Variants in INPP5D observed in about 807,000 individuals in gnomAD.
INPP5D encodes phosphatidylinositol 3,4,5-trisphosphate 5-phosphatase 1.
A neutral mutation model predicts 122.9 loss-of-function variants in INPP5D; 33 were observed. The ratio of observed to expected loss-of-function variants is 0.27; its 90% CI spans 0.20 to 0.36. The LOEUF (loss-of-function observed/expected upper bound fraction) is 0.36, where lower values mean the gene tolerates loss of function less well. Ranked by LOEUF, INPP5D falls within the 10% of genes least tolerant of loss-of-function variation. The pLI, the probability that INPP5D is intolerant of heterozygous loss-of-function variation, is 1.00. For synonymous variants in INPP5D, 584 were observed against 576.2 expected, an observed-to-expected ratio of 1.01 and a Z score of -0.19; for missense variants, 1,053 against 1,412.7, an observed-to-expected ratio of 0.75 and a Z score of 4.08.
At chr2:233,107,631 G>C (rs574628188) in intron 2 of INPP5D, among the ~76,000 whole-genome samples, 17 of 152,148 alleles carry the variant, frequency 1.1e-4, no homozygotes, top group Non-Finnish European at 2.4e-4. Context: ...AGTTGGGGCT[G>C]GTTGGAATGA....
At chr2:233,171,603 A>G (rs1186387245) in intron 17 of INPP5D, among the ~76,000 whole-genome samples, 2 of 152,212 alleles carry the variant, frequency 1.3e-5, no homozygotes, top group African/African-American at 2.4e-5. Context: ...TGGAACACCA[A>G]TTAATGTCTT....
At position 233,100,637 on chromosome 2, in the gene INPP5D, C is replaced by G. The variant is rs1428942788; in HGVS notation, c.198+21239C>G. ...GCTCTCTCTCTTCCCTGGGATGAGG[C>G]TTGGTTCTACGGAAGCTGGGGTCGT... On this transcript the variant is annotated intron_variant, in intron 2 of 26. Coordinates refer to ENST00000445964, the MANE Select transcript of INPP5D (RefSeq NM_001017915.3). This position sits in a 1 kb window ranked among gnomAD's most constrained non-coding sequence, Gnocchi z 5.3. Among the ~76,000 whole-genome samples, 1 of 152,200 alleles carries G rather than the reference C, an allele frequency of 6.6e-6. No individual in the cohort carries two copies. The highest frequency in any genetic ancestry group is 1.5e-5 in the Non-Finnish European group (1 of 68,040).
chr2:233,155,767 A>G (rs1694036660), intron 9 of INPP5D, among the ~76,000 whole-genome samples: 1 of 152,210 alleles, frequency 6.6e-6, no homozygotes, highest in African/African-American at 2.4e-5. Context: ...AGAGTCTCAG[A>G]ACAGAATAAC....
intron 9 of INPP5D, among the ~76,000 whole-genome samples, chr2:233,150,149 T>C (rs138410813): frequency 0.013 from 1,970 of 152,304 alleles, 46 homozygotes; most frequent in African/African-American, 0.044. Flanking sequence ...GATTTGGCTG[T>C]GTCCCCACCC....
intron 2 of INPP5D, among the ~76,000 whole-genome samples, chr2:233,090,231 C>T (rs919544537): frequency 6.6e-6 from 1 of 152,232 alleles, no homozygotes; most frequent in African/African-American, 2.4e-5. Flanking sequence ...TTTAGTCTGC[C>T]CTGTTCTTAG....
Position 233,171,000 on chromosome 2 carries a change from G to T in INPP5D, c.1901-64G>T. 2 of 1,587,814 alleles carry T rather than the reference G, an allele frequency of 1.3e-6. No individual in the cohort carries two copies. The highest frequency in any genetic ancestry group is 2.3e-5 in the East Asian group (1 of 43,836). ...CCCCTGATTTCCTACCAGAAGAATA[G>T]GGAAAATTGGCCAGATGCAAAACCT... On this transcript the variant is annotated intron_variant, in intron 16 of 26. Transcript: ENST00000445964. This position sits in a 1 kb window ranked among gnomAD's most constrained non-coding sequence, Gnocchi z 4.5.
At chr2:233,159,867 C>T (rs1035213167) in intron 10 of INPP5D, among the ~76,000 whole-genome samples, 2 of 152,036 alleles carry the variant, frequency 1.3e-5, no homozygotes, top group Admixed American at 1.3e-4. Context: ...ACTTTCACCT[C>T]CAAAGCATCA....
chr2:233,099,919 G>A (rs1692255313), intron 2 of INPP5D, among the ~76,000 whole-genome samples: 2 of 152,176 alleles, frequency 1.3e-5, no homozygotes, highest in South Asian at 2.1e-4. Flanking sequence ...GGCGGAAGGT[G>A]AAGGGCACAT....
At chr2:233,063,012 G>A (rs1277239213) in intron 1 of INPP5D, among the ~76,000 whole-genome samples, 1 of 151,608 alleles carries the variant, frequency 6.6e-6, no homozygotes, top group East Asian at 1.9e-4. Flanking sequence ...GTCATTTAAA[G>A]CAAAGAGATT....
At chr2:233,150,117 G>C (rs945639843) in intron 9 of INPP5D, among the ~76,000 whole-genome samples, 1 of 152,078 alleles carries the variant, frequency 6.6e-6, no homozygotes, top group Non-Finnish European at 1.5e-5. Context: ...TAGAGTGATG[G>C]TTTCCTCTTA....
intron 8 of INPP5D, among the ~76,000 whole-genome samples, 193 bp downstream of exon 8, chr2:233,146,631 C>T (rs1004016544): frequency 1.3e-5 from 2 of 152,194 alleles, no homozygotes; most frequent in Admixed American, 6.5e-5. Flanking sequence ...CACCCAGAGA[C>T]AACTGGGAAA....
chr2:233,144,235 G>A (rs1242816700), intron 6 of INPP5D, among the ~76,000 whole-genome samples: 3 of 151,410 alleles, frequency 2.0e-5, no homozygotes, highest in African/African-American at 7.3e-5. Context: ...TGATGGTGAT[G>A]GTGATGGTGG....
At position 233,183,775 on chromosome 2, in the gene INPP5D, A is replaced by T. The variant is rs982608911; in HGVS notation, c.2162-633A>T. Among the ~76,000 whole-genome samples, 2 of 152,254 alleles carry T rather than the reference A, an allele frequency of 1.3e-5. No individual in the cohort carries two copies. Among genetic ancestry groups the T allele is most frequent in the Non-Finnish European group, 2.9e-5 (2 of 68,050 alleles). ...AGAAAGAGAAAGGAAAGAAGGAAGG[A>T]TGTGAGGGATGGAGGAAGGAAAGGT... On this transcript the variant is annotated intron_variant, in intron 19 of 26. Transcript: ENST00000445964. The surrounding 1 kb of genome is among the most constrained non-coding windows in gnomAD (Gnocchi z 4.6).
At chr2:233,169,814 A>T in intron 14 of INPP5D, 1 of 790,274 alleles carries the variant, frequency 1.3e-6, no homozygotes, top group Non-Finnish European at 2.0e-6. Flanking sequence ...TGCCCTCTGT[A>T]CACCCAATGT....
In INPP5D at chr2:233,170,360, C is replaced by T; in HGVS notation, c.1792-136C>T. The T allele has an allele frequency of 6.7e-7, 1 of 1,496,578 alleles. No homozygotes were observed. 92.7% of individuals were successfully genotyped at this position (1,496,578 alleles called of 1,614,324 possible). On this transcript the variant is annotated intron_variant, in intron 15 of 26. Coordinates refer to ENST00000445964, the MANE Select transcript of INPP5D (RefSeq NM_001017915.3). The surrounding 1 kb of genome is among the most constrained non-coding windows in gnomAD (Gnocchi z 4.5). Reference sequence around the variant, plus strand: ...GTTCCCCTGTGCTCACACCCGGTTCCCATAACTGTCACAGCCACCCTGCCA... The same window carrying T: ...GTTCCCCTGTGCTCACACCCGGTTCTCATAACTGTCACAGCCACCCTGCCA...
intron 2 of INPP5D, among the ~76,000 whole-genome samples, chr2:233,101,370 T>A (rs1692306563): frequency 6.6e-6 from 1 of 152,014 alleles, no homozygotes; most frequent in African/African-American, 2.4e-5. Flanking sequence ...ATCTGCCAAG[T>A]CCTGGCGAGG....
intron 2 of INPP5D, among the ~76,000 whole-genome samples, chr2:233,094,957 T>C (rs1238492124): frequency 6.6e-6 from 1 of 152,158 alleles, no homozygotes; most frequent in Non-Finnish European, 1.5e-5. Flanking sequence ...CAAAGATATA[T>C]ATACGAGGAC....
In INPP5D at chr2:233,164,546, C is replaced by T. The variant is rs1300607884; in HGVS notation, c.1555+122C>T. On this transcript the variant is annotated intron_variant, in intron 13 of 26. Transcript: ENST00000445964. This position sits in a 1 kb window ranked among gnomAD's most constrained non-coding sequence, Gnocchi z 4.3. The stretch of plus-strand genomic sequence containing the variant: ...AACAGAGAGCCTCACATCCTCAGAT[C>T]CTGGCTCAGTCCTCAGCAAATAGGG... 2.2e-6 allele frequency: 3 copies of T among 1,358,810 alleles called. No homozygotes were observed. The highest frequency in any genetic ancestry group is 1.5e-5 in the African/African-American group (1 of 68,772). 84.2% of individuals were successfully genotyped at this position (1,358,810 alleles called of 1,614,324 possible).
At chr2:233,158,079 G>A (rs575626484) in intron 9 of INPP5D, among the ~76,000 whole-genome samples, 1 of 152,132 alleles carries the variant, frequency 6.6e-6, no homozygotes, top group Non-Finnish European at 1.5e-5. Flanking sequence ...AGACGATCAC[G>A]CTGTCTCTGC....
Sources: gnomAD v4.1 joint callset for allele counts (sites outside exome capture counted in the v4.1 genomes callset) on GRCh38, gnomAD v4.1.1 for gene constraint, Gnocchi (gnomAD v3.1) non-coding constraint, MANE v1.5 for transcripts, NCBI Gene and HGNC (gene_info 2026-07-23, HGNC 2026-07-21) for gene names.